Variants in CEP104 observed in about 807,000 individuals in gnomAD.
The protein encoded by CEP104 is centrosomal protein of 104 kDa.
A neutral mutation model predicts 113.3 loss-of-function variants in CEP104; 84 were observed. The ratio of observed to expected loss-of-function variants is 0.74; its 90% CI spans 0.62 to 0.89. CEP104 has a LOEUF of 0.89. CEP104 is among the 40% of genes least tolerant of loss of function. CEP104 has a pLI of 0.00. For synonymous variants in CEP104, 378 were observed against 421.7 expected (o/e 0.90, Z 1.27); for missense variants, 1,053 against 1,156.6 (o/e 0.91, Z 1.30).
At chr1:3,845,565 C>T (rs1644491864) in intron 4 of CEP104, among the ~76,000 whole-genome samples, 1 of 152,012 alleles carries the variant, frequency 6.6e-6, no homozygotes, top group African/African-American at 2.4e-5. Flanking sequence ...GCCACCATGC[C>T]CTGCTAATTT....
chr1:3,824,718 C>T (rs993688800), intron 18 of CEP104, among the ~76,000 whole-genome samples: 1 of 151,900 alleles, frequency 6.6e-6, no homozygotes, highest in Non-Finnish European at 1.5e-5. Flanking sequence ...GACAAAAGGA[C>T]AGGCACTCCA....
At chr1:3,856,046 A>G in intron 1 of CEP104, 1 of 652,392 alleles carries the variant, frequency 1.5e-6, no homozygotes, top group Non-Finnish European at 1.9e-6. Context: ...ACGGAAACTC[A>G]GTGTAGCAAC....
intron 6 of CEP104, among the ~76,000 whole-genome samples, chr1:3,842,346 C>T (rs1170687109): frequency 6.6e-6 from 1 of 152,234 alleles, no homozygotes; most frequent in Non-Finnish European, 1.5e-5. Flanking sequence ...TCCTAAAGTG[C>T]TGGGATTACA....
At chr1:3,818,891 C>G (rs1643919773) in intron 20 of CEP104, among the ~76,000 whole-genome samples, 1 of 152,188 alleles carries the variant, frequency 6.6e-6, no homozygotes, top group South Asian at 2.1e-4. Flanking sequence ...TCCATCAAGG[C>G]TTAAGCTTTC....
intron 6 of CEP104, among the ~76,000 whole-genome samples, chr1:3,843,916 C>T (rs1364899735): frequency 6.6e-6 from 1 of 152,094 alleles, no homozygotes; most frequent in African/African-American, 2.4e-5. Flanking sequence ...TGCGCGCCAC[C>T]ACGCCTGGCT....
rs889157821 is a variant in CEP104, at chr1:3,819,317, G to T, written c.2572-2947C>A. On this transcript the variant is annotated intron_variant, in intron 20 of 21. Transcript: ENST00000378230. This position sits in a 1 kb window ranked among gnomAD's most constrained non-coding sequence, Gnocchi z 4.6. ...TATGGTCGCCAGGGGCTGGAGAGGG[G>T]GCTGGGGAGAAAAGGGGCGGCATGT... Among the ~76,000 whole-genome samples, 2 of 152,184 alleles carry T rather than the reference G, an allele frequency of 1.3e-5. 1 individual carries two copies. The highest frequency in any genetic ancestry group is 4.1e-4 in the South Asian group (2 of 4,824).
intron 10 of CEP104, 137 bp downstream of exon 10, chr1:3,836,358 A>G: frequency 1.1e-6 from 1 of 877,582 alleles, no homozygotes. Context: ...GGAAGAACAA[A>G]GGGAAGTCAA....
chr1:3,838,031 TG>T (rs1458836555), intron 8 of CEP104, among the ~76,000 whole-genome samples: 1 of 152,208 alleles, frequency 6.6e-6, no homozygotes, highest in African/African-American at 2.4e-5. Context: ...ATGCTTACTC[TG>T]TTTACCCCCA....
intron 18 of CEP104, among the ~76,000 whole-genome samples, chr1:3,824,706 CA>C (rs1644049419): frequency 6.6e-6 from 1 of 151,942 alleles, no homozygotes; most frequent in African/African-American, 2.4e-5. Context: ...CCAAGGCCTG[CA>C]GACAAAAGGA....
rs1229814888 is a variant in CEP104 at position 3,835,080 on chromosome 1, A to G, written c.1330T>C (p.Tyr444His). Reference protein sequence around the residue: ...VLGETLVAEAYCKTWSYREDA... With the variant: ...VLGETLVAEAHCKTWSYREDA... Reference sequence around the variant, plus strand: ...TCTCGGTAGGACCACGTCTTACAATAGGCCTCAGCAACCTACCACAAAACA... The same window carrying G: ...TCTCGGTAGGACCACGTCTTACAATGGGCCTCAGCAACCTACCACAAAACA... The change falls in exon 11 of 22, where the codon TAT (tyrosine) becomes CAT (histidine). Residue 444 changes from tyrosine to histidine, a missense_variant. Physicochemically the swap from Tyr to His is moderately conservative, Grantham distance 83. Coordinates refer to ENST00000378230, the MANE Select transcript of CEP104 (RefSeq NM_014704.4). The G allele has an allele frequency of 6.2e-7, 1 of 1,613,232 alleles. No homozygotes were observed. Among genetic ancestry groups the G allele is most frequent in the Non-Finnish European group, 8.5e-7 (1 of 1,179,528 alleles).
At chr1:3,855,494 C>A (rs950266016) in intron 1 of CEP104, among the ~76,000 whole-genome samples, 5 of 152,188 alleles carry the variant, frequency 3.3e-5, no homozygotes, top group Admixed American at 3.3e-4. Context: ...CCAACACTCT[C>A]TGTTACGGCT....
chr1:3,815,418 G>A lies in CEP104; in HGVS notation c.2762C>T (p.Thr921Met), dbSNP rs754388554. 21 of 1,612,136 alleles carry A rather than the reference G, an allele frequency of 1.3e-5. No homozygotes were observed. The highest frequency in any genetic ancestry group is 1.1e-4 in the East Asian group (5 of 44,884). Residue 921 changes from threonine to methionine, a missense_variant, in exon 22 of 22, where the codon ACG (threonine) becomes ATG (methionine). Coordinates refer to ENST00000378230, the MANE Select transcript of CEP104 (RefSeq NM_014704.4). ...AGCGCCGCGTCAGCGCTTGGCGTAC[G>A]TCCTGCTGGAGCTCTTGCTCAGTCC... ...KGGLSKSSSR[T>M]YAKR
intron 21 of CEP104, 86 bp downstream of exon 21, chr1:3,816,194 C>A: frequency 1.7e-6 from 2 of 1,164,370 alleles, no homozygotes; most frequent in Non-Finnish European, 2.4e-6. Flanking sequence ...GGGGTCTTGC[C>A]ATGTTGCCCT....
Position 3,852,346 on chromosome 1 carries a change from G to C in CEP104, c.62C>G (p.Ala21Gly), listed in dbSNP as rs1168422038. The change falls in exon 2 of 22, where the codon GCC becomes GGC. Residue 21 changes from alanine (A) to glycine (G), a missense_variant. By Grantham distance (60) the Ala-to-Gly change is moderately conservative. Transcript: ENST00000378230. ...SSSGHEDGFS[A>G]RELMIHAPTV... ...TGGCGCGTGGATCATGAGCTCCCGG[G>C]CACTGAAGCCGTCTTCGTGTCCAGA... The C allele has an allele frequency of 1.2e-6, 2 of 1,613,984 alleles. No individual in the cohort carries two copies. Among genetic ancestry groups the C allele is most frequent in the South Asian group, 1.1e-5 (1 of 91,090 alleles).
chr1:3,823,635 T>C lies in CEP104; in HGVS notation c.2365-73A>G. 1 of 1,589,176 alleles carries C rather than the reference T, an allele frequency of 6.3e-7. No individual in the cohort carries two copies. The highest frequency in any genetic ancestry group is 1.1e-5 in the South Asian group (1 of 89,854). Reference sequence around the variant, plus strand: ...CGCCCTCCAGCCAGCCTGCAGAGCCTGTGAGCGCCTCCCCTGCCCAGGGAG... The same window carrying C: ...CGCCCTCCAGCCAGCCTGCAGAGCCCGTGAGCGCCTCCCCTGCCCAGGGAG... On this transcript the variant is annotated intron_variant, in intron 18 of 21. Transcript: ENST00000378230. This position sits in a 1 kb window ranked among gnomAD's most constrained non-coding sequence, Gnocchi z 4.1.
chr1:3,851,995 C>T (rs1215941280), intron 2 of CEP104, among the ~76,000 whole-genome samples: 1 of 152,160 alleles, frequency 6.6e-6, no homozygotes, highest in African/African-American at 2.4e-5. Context: ...GAATGTGCAG[C>T]CCAGCGTGTG....
At position 3,852,698 on chromosome 1, in the gene CEP104, C is replaced by T. The variant is rs4507956; in HGVS notation, c.-14-277G>A. Among the ~76,000 whole-genome samples, 49,751 of 152,070 alleles carry T rather than the reference C, an allele frequency of 0.33. 9,085 individuals are homozygous for T. The highest frequency in any genetic ancestry group is 0.5 in the African/African-American group (20,576 of 41,458). ...GTGGATTGTGCTCCCCAAAAGGATA[C>T]GCTGAAGTTCCACGTGTGGTACCCG... On this transcript the variant is annotated intron_variant, in intron 1 of 21. Coordinates refer to ENST00000378230, the MANE Select transcript of CEP104 (RefSeq NM_014704.4).
chr1:3,847,365 T>A, intron 4 of CEP104, 110 bp downstream of exon 4: 1 of 1,091,610 alleles, frequency 9.2e-7, no homozygotes, highest in African/African-American at 1.6e-5. Context: ...CCAGAAGAGA[T>A]CCTCTCTTAT....
chr1:3,825,933 A>G, intron 17 of CEP104, 67 bp from the exon 18 acceptor site: 2 of 1,050,256 alleles, frequency 1.9e-6, no homozygotes, highest in Non-Finnish European at 3.0e-6. Flanking sequence ...TTCCGCTCCC[A>G]CGTCACGAGG....
Sources: gnomAD v4.1 joint callset for allele counts (sites outside exome capture counted in the v4.1 genomes callset) on GRCh38, gnomAD v4.1.1 for gene constraint, Gnocchi (gnomAD v3.1) non-coding constraint, MANE v1.5 for transcripts, NCBI Gene and HGNC (gene_info 2026-07-23, HGNC 2026-07-21) for gene names.